RBFOX2: variants seen among roughly 807,000 people sequenced by gnomAD.
RBFOX2 encodes RNA binding protein fox-1 homolog 2.
In RBFOX2, 10 loss-of-function variants were observed where a neutral mutation model predicts 49.1. That is an observed-to-expected ratio of 0.20 (90% CI 0.13 to 0.35). RBFOX2 has a LOEUF of 0.35. Among genes scored for constraint, RBFOX2 ranks in the 10% least tolerant of loss-of-function variants. The pLI is 1.00. For synonymous variants in RBFOX2, 183 were observed against 187.4 expected (o/e 0.98, Z 0.19); for missense variants, 323 against 486.9 (o/e 0.66, Z 3.17).
intron 1 of RBFOX2, among the ~76,000 whole-genome samples, chr22:35,816,515 T>C (rs1264653716): frequency 6.6e-6 from 1 of 152,174 alleles, no homozygotes; most frequent in East Asian, 1.9e-4. Flanking sequence ...TGAACTACAC[T>C]CAGAGCCATA....
intron 1 of RBFOX2, among the ~76,000 whole-genome samples, chr22:35,818,811 T>C (rs558404012): frequency 1.3e-5 from 2 of 152,086 alleles, no homozygotes; most frequent in South Asian, 2.1e-4. Context: ...AACAAAGAAA[T>C]AGATGTCACT....
intron 1 of RBFOX2, among the ~76,000 whole-genome samples, chr22:35,954,298 C>T (rs967918821): frequency 9.9e-5 from 15 of 152,220 alleles, no homozygotes; most frequent in East Asian, 3.9e-4. Context: ...GAAGATTAAA[C>T]GAAACAATAT....
chr22:35,899,912 G>A (rs2048362843), intron 1 of RBFOX2, among the ~76,000 whole-genome samples: 1 of 152,302 alleles, frequency 6.6e-6, no homozygotes, highest in South Asian at 2.1e-4. Flanking sequence ...CACAGAAGAA[G>A]TTTCTGGCAT....
chr22:35,784,444 T>C (rs752623312), intron 2 of RBFOX2, among the ~76,000 whole-genome samples: 1 of 152,236 alleles, frequency 6.6e-6, no homozygotes, highest in Non-Finnish European at 1.5e-5. Flanking sequence ...TGGCACCTCA[T>C]GCCCGACATA....
chr22:35,945,594 C>T (rs2054191872), intron 1 of RBFOX2, among the ~76,000 whole-genome samples: 1 of 152,150 alleles, frequency 6.6e-6, no homozygotes, highest in Non-Finnish European at 1.5e-5. Context: ...GCATGTGCCA[C>T]TACACCCGGC....
chr22:36,011,639 TACTAGTTACTTCCAA>T (rs1163051916), intron 1 of RBFOX2, among the ~76,000 whole-genome samples: 4 of 151,992 alleles, frequency 2.6e-5, no homozygotes, highest in Admixed American at 6.5e-5. Context: ...TAACTAACAA[TACTAGTTACTTCCAA>T]AAAGATAAAA....
chr22:35,867,857 A>T (rs1262743439), intron 1 of RBFOX2, among the ~76,000 whole-genome samples: 3 of 152,150 alleles, frequency 2.0e-5, no homozygotes, highest in Non-Finnish European at 1.5e-5. Flanking sequence ...AGACATAAAC[A>T]CTTTTAGATA....
At chr22:35,831,524 G>A (rs1019301615) in intron 1 of RBFOX2, among the ~76,000 whole-genome samples, 5 of 152,152 alleles carry the variant, frequency 3.3e-5, no homozygotes, top group African/African-American at 9.7e-5. Context: ...TTCAGTGTCC[G>A]TAAATAGTTT....
chr22:35,796,503 A>G (rs1221752177), intron 2 of RBFOX2, among the ~76,000 whole-genome samples: 1 of 152,224 alleles, frequency 6.6e-6, no homozygotes. Context: ...TAGAAAAGGG[A>G]AAAGTATTTC....
intron 1 of RBFOX2, among the ~76,000 whole-genome samples, chr22:35,984,521 A>G (rs569222839): frequency 1.3e-5 from 2 of 152,332 alleles, no homozygotes; most frequent in African/African-American, 2.4e-5. Flanking sequence ...ACTGTGGTAA[A>G]TATGTTGGTA....
At chr22:35,846,780 G>A (rs954631856) in intron 1 of RBFOX2, among the ~76,000 whole-genome samples, 2 of 151,922 alleles carry the variant, frequency 1.3e-5, no homozygotes, top group Admixed American at 1.3e-4. Context: ...CCTTTAGATA[G>A]GTAAATTTCT....
chr22:35,890,157 T>C (rs2047071646), intron 1 of RBFOX2, among the ~76,000 whole-genome samples: 1 of 152,200 alleles, frequency 6.6e-6, no homozygotes, highest in Non-Finnish European at 1.5e-5. Context: ...TTTCGTAACC[T>C]GAAAAATCAA....
At chr22:35,807,188 C>T (rs1366387000) in intron 2 of RBFOX2, among the ~76,000 whole-genome samples, 5 of 151,940 alleles carry the variant, frequency 3.3e-5, no homozygotes, top group Non-Finnish European at 5.9e-5. Flanking sequence ...AATATGTAAA[C>T]AGTAACTATG....
intron 2 of RBFOX2, among the ~76,000 whole-genome samples, chr22:35,796,587 A>G (rs1252758807): frequency 6.6e-6 from 1 of 152,212 alleles, no homozygotes; most frequent in East Asian, 1.9e-4. Context: ...CTTTCTTAAA[A>G]GTTAACTGCA....
At chr22:35,746,637 C>T (rs1932853707) in intron 9 of RBFOX2, 76 bp from the exon 12 acceptor site, 2 of 793,826 alleles carry the variant, frequency 2.5e-6, no homozygotes, top group Non-Finnish European at 3.8e-6. Context: ...CCCGCCCACA[C>T]ACAGACGTAC....
rs550637434 is a variant in RBFOX2 at position 36,005,644 on chromosome 22, G to A, written c.186+22596C>T. 5.9e-5 allele frequency among the ~76,000 whole-genome samples: 9 copies of A among 152,318 alleles called. No homozygotes were observed. In the South Asian group the frequency reaches 1.0e-3, roughly 18 times the overall value. Reference sequence around the variant, plus strand: ...TAGTGCCTTCCACAGGTACTAGTTCGTCGTCAGAAGAGATAGGCAGCACAT... The same window carrying A: ...TAGTGCCTTCCACAGGTACTAGTTCATCGTCAGAAGAGATAGGCAGCACAT... On this transcript the variant is annotated intron_variant, in intron 1 of 13. Coordinates refer to the RBFOX2 transcript ENST00000438146.
intron 1 of RBFOX2, chr22:36,000,417 C>T (rs2058367571): frequency 6.6e-6 from 1 of 152,158 alleles, no homozygotes; most frequent in Non-Finnish European, 1.5e-5. Context: ...ACACTGTATC[C>T]AAGGAGTTCA....
At chr22:35,848,121 A>G (rs920651878) in intron 1 of RBFOX2, among the ~76,000 whole-genome samples, 1 of 152,174 alleles carries the variant, frequency 6.6e-6, no homozygotes, top group South Asian at 2.1e-4. Context: ...TATAGTTACT[A>G]TAATTCCCAT....
At chr22:35,994,688 GA>G (rs1766900317) in intron 1 of RBFOX2, 1 of 152,054 alleles carries the variant, frequency 6.6e-6, no homozygotes, top group African/African-American at 2.4e-5. Context: ...TTACAAGCGT[GA>G]GGTACCATGC....
Sources: gnomAD v4.1 joint callset for allele counts (sites outside exome capture counted in the v4.1 genomes callset) on GRCh38, gnomAD v4.1.1 for gene constraint, MANE v1.5 for transcripts, NCBI Gene and HGNC (gene_info 2026-07-23, HGNC 2026-07-21) for gene names.